Variants in PRIM2 observed in about 807,000 individuals in gnomAD.
PRIM2 encodes the protein DNA primase subunit 2.
In PRIM2, 39 loss-of-function variants were observed where a neutral mutation model predicts 67.3. That is an observed-to-expected ratio of 0.58 (90% CI 0.45 to 0.76). The LOEUF (loss-of-function observed/expected upper bound fraction) is 0.76. Among genes scored for constraint, PRIM2 ranks in the 30% least tolerant of loss-of-function variants. PRIM2 has a pLI of 0.00. For synonymous variants in PRIM2, 143 were observed against 198.7 expected (o/e 0.72, Z 2.36); for missense variants, 398 against 598.7 (o/e 0.66, Z 3.50).
chr6:57,542,379 A>AG (rs1775178720), intron 10 of PRIM2, among the ~76,000 whole-genome samples: 1 of 151,902 alleles, frequency 6.6e-6, no homozygotes, highest in African/African-American at 2.4e-5. Flanking sequence ...GAAAGTAGAG[A>AG]GGGAAAACCA....
chr6:57,602,234 T>A (rs1776483749), intron 11 of PRIM2, among the ~76,000 whole-genome samples: 1 of 152,160 alleles, frequency 6.6e-6, no homozygotes, highest in Admixed American at 6.6e-5. Flanking sequence ...TAATTTTTTG[T>A]ATTTTTAATA....
intron 10 of PRIM2, among the ~76,000 whole-genome samples, chr6:57,554,325 A>C (rs1463346667): frequency 3.4e-5 from 5 of 147,046 alleles, no homozygotes; most frequent in Admixed American, 6.9e-5. Context: ...AGATAATTTT[A>C]ATCTACCTAT....
chr6:57,286,191 T>C, the PRIM2 span, among the ~76,000 whole-genome samples: 2 of 152,186 alleles, frequency 1.3e-5, no homozygotes, highest in Non-Finnish European at 2.9e-5. Context: ...CCCAAAGTAA[T>C]TTATAGATTC....
intron 8 of PRIM2, among the ~76,000 whole-genome samples, chr6:57,510,465 G>A (rs2127460644): frequency 6.6e-6 from 1 of 152,176 alleles, no homozygotes; most frequent in African/African-American, 2.4e-5. Flanking sequence ...TCTGAGTATG[G>A]TAATTGCCAG....
At chr6:57,310,415 G>A (rs1040667235), upstream of PRIM2, among the ~76,000 whole-genome samples, 3 of 152,232 alleles carry the variant, frequency 2.0e-5, no homozygotes, top group Non-Finnish European at 4.4e-5. Flanking sequence ...ATTTTTCTTA[G>A]TACAGAACAA....
At chr6:57,640,142 T>C in intron 13 of PRIM2, among the ~76,000 whole-genome samples, 1 of 152,300 alleles carries the variant, frequency 6.6e-6, no homozygotes, top group Middle Eastern at 3.4e-3. Context: ...AACCACATGA[T>C]TATCTCAATA....
the PRIM2 span, among the ~76,000 whole-genome samples, chr6:57,236,099 G>A: frequency 6.6e-6 from 1 of 152,202 alleles, no homozygotes; most frequent in Non-Finnish European, 1.5e-5. Context: ...AACAATAGGA[G>A]ACTATATCGT....
chr6:57,338,127 C>T (rs986560950), intron 5 of PRIM2, among the ~76,000 whole-genome samples: 4 of 151,546 alleles, frequency 2.6e-5, no homozygotes, highest in Non-Finnish European at 4.4e-5. Context: ...GTAAATTCCT[C>T]GACACATACA....
rs1271601735 is a variant in PRIM2 at position 57,558,710 on chromosome 6, C to G, written c.1020+21085C>G. Among the ~76,000 whole-genome samples the G allele has an allele frequency of 5.6e-3, 852 of 152,106 alleles. 18 individuals are homozygous for G. Among genetic ancestry groups the G allele is most frequent in the Middle Eastern group, 3.4e-3 (1 of 294 alleles). ...ATATATATGGCAGTTCCTTGATACA[C>G]GTGTTTTTATTTCTTTTAAAATGTC... is the stretch of plus-strand genomic sequence containing the variant. On this transcript the variant is annotated intron_variant, in intron 10 of 13. Coordinates refer to ENST00000615550, the MANE Select transcript of PRIM2 (RefSeq NM_000947.5).
chr6:57,433,004 C>A (rs1771884986), intron 7 of PRIM2, among the ~76,000 whole-genome samples: 1 of 152,206 alleles, frequency 6.6e-6, no homozygotes, highest in Admixed American at 6.5e-5. Context: ...GGAGTTGACA[C>A]ACTAAAGCCA....
chr6:57,234,684 C>G, the PRIM2 span, among the ~76,000 whole-genome samples: 1 of 152,068 alleles, frequency 6.6e-6, no homozygotes, highest in African/African-American at 2.4e-5. Flanking sequence ...CCACCATGCC[C>G]AGCTAATTTT....
At position 57,418,140 on chromosome 6, in the gene PRIM2, G is replaced by T. The variant is rs5005224; in HGVS notation, c.693+35972G>T. ...AGGGAGAATAGGAGGTACTTATAAA[G>T]AAGAAGGCTTAAAAATGGCCATGTA... On this transcript the variant is annotated intron_variant, in intron 7 of 13. Transcript: ENST00000615550. Among the ~76,000 whole-genome samples the T allele has an allele frequency of 8.9e-4, 135 of 152,082 alleles. 1 individual carries two copies. The highest frequency in any genetic ancestry group is 3.0e-3 in the African/African-American group (125 of 41,504).
At chr6:57,443,379 T>G (rs78772526) in intron 7 of PRIM2, among the ~76,000 whole-genome samples, 1 of 152,164 alleles carries the variant, frequency 6.6e-6, no homozygotes, top group African/African-American at 2.4e-5. Flanking sequence ...GGTTTACAAG[T>G]GTTCCCTTTT....
chr6:57,395,278 A>G (rs1236212454), intron 7 of PRIM2, among the ~76,000 whole-genome samples: 1 of 152,160 alleles, frequency 6.6e-6, no homozygotes, highest in Non-Finnish European at 1.5e-5. Flanking sequence ...TCTGCTGTGA[A>G]TCCATCTGGT....
the PRIM2 span, among the ~76,000 whole-genome samples, chr6:57,275,800 A>T: frequency 3.3e-5 from 5 of 152,144 alleles, no homozygotes; most frequent in Non-Finnish European, 7.3e-5. Context: ...GTAGAATTGG[A>T]CTTTCTCCCA....
intron 7 of PRIM2, among the ~76,000 whole-genome samples, chr6:57,502,491 C>G (rs1368266646): frequency 1.3e-5 from 2 of 152,190 alleles, no homozygotes; most frequent in African/African-American, 4.8e-5. Flanking sequence ...TTGGATCATG[C>G]TAATGCCGCG....
the PRIM2 span, among the ~76,000 whole-genome samples, chr6:57,307,367 C>T: frequency 6.6e-6 from 1 of 151,690 alleles, no homozygotes; most frequent in African/African-American, 2.4e-5. Flanking sequence ...CATTCTCCTG[C>T]CTCAGCCTCC....
rs1388230037 is a variant in PRIM2, at chr6:57,535,800, G to A, written c.835-1640G>A. 2.0e-5 allele frequency among the ~76,000 whole-genome samples: 3 copies of A among 152,078 alleles called. No homozygotes were observed. In the East Asian group the frequency reaches 5.8e-4, roughly 29 times the overall value. On this transcript the variant is annotated intron_variant, in intron 9 of 13. Transcript: ENST00000615550. The stretch of plus-strand genomic sequence containing the variant: ...GAATCGCATGAACCTGGGAGGCAGA[G>A]GTTATAGTGAGCCGAGATGGCACTG...
At chr6:57,455,059 G>T (rs1010714103) in intron 7 of PRIM2, among the ~76,000 whole-genome samples, 1 of 152,104 alleles carries the variant, frequency 6.6e-6, no homozygotes, top group African/African-American at 2.4e-5. Context: ...TAGTCATTCA[G>T]GAGCAGGTTG....
Sources: allele counts gnomAD v4.1 joint callset (sites outside exome capture counted in the v4.1 genomes callset), GRCh38; gene constraint gnomAD v4.1.1; transcripts MANE v1.5; gene names NCBI Gene and HGNC (gene_info 2026-07-23, HGNC 2026-07-21).